Variants in FRMD6 observed in about 807,000 individuals in gnomAD.
FRMD6 encodes FERM domain-containing protein 6.
FRMD6 carries 37 observed loss-of-function variants against 73.2 expected under a neutral mutation model. The ratio of observed to expected loss-of-function variants is 0.51; its 90% CI spans 0.39 to 0.66. FRMD6 has a LOEUF of 0.66. Ranked by LOEUF, FRMD6 falls within the 30% of genes least tolerant of loss-of-function variation. The probability of loss-of-function intolerance (pLI) is 0.00; values close to 1 mark genes in which losing one functional copy is unlikely to be tolerated. For missense variants in FRMD6, 714 were observed against 780.5 expected (o/e 0.91, Z 1.02); for synonymous variants, 273 against 282.2 (o/e 0.97, Z 0.33).
At position 51,698,251 on chromosome 14, in the gene FRMD6, T is replaced by G. The variant is rs1357674584; in HGVS notation, c.190+19T>G. 2.6e-6 allele frequency: 4 copies of G among 1,554,052 alleles called. 1 individual carries two copies. The South Asian group carries it at 4.5e-5, about 18-fold the overall frequency. On this transcript the variant is annotated intron_variant, in intron 3 of 13. Coordinates refer to ENST00000344768, the MANE Select transcript of FRMD6 (RefSeq NM_001267046.2). ...ATACAAAGTAAGTCTTAGAGCCCTCTCTGATGGATTTAGCCAACTATCCCT... is the reference window on the plus strand; with the variant it reads ...ATACAAAGTAAGTCTTAGAGCCCTCGCTGATGGATTTAGCCAACTATCCCT...
chr14:51,618,201 A>T (rs142400044), intron 2 of FRMD6, among the ~76,000 whole-genome samples: 22 of 152,264 alleles, frequency 1.4e-4, no homozygotes, highest in Middle Eastern at 3.4e-3. Flanking sequence ...TTTTTAGAAG[A>T]CTGACATTTT....
the FRMD6 span, among the ~76,000 whole-genome samples, chr14:51,397,291 C>T: frequency 1.3e-5 from 2 of 152,304 alleles, no homozygotes; most frequent in Non-Finnish European, 1.5e-5. Flanking sequence ...GGAGGGAGTG[C>T]TCCTTCACAG....
At chr14:51,499,560 C>T (rs1883484676) in intron 1 of FRMD6, among the ~76,000 whole-genome samples, 1 of 152,214 alleles carries the variant, frequency 6.6e-6, no homozygotes, top group African/African-American at 2.4e-5. Flanking sequence ...GGTCACACAG[C>T]AAATAAGACG....
the FRMD6 span, among the ~76,000 whole-genome samples, chr14:51,439,681 C>T: frequency 3.3e-5 from 5 of 152,276 alleles, no homozygotes; most frequent in African/African-American, 1.2e-4. Context: ...TGCCTGCTGC[C>T]ACTCTGACTT....
At chr14:51,610,597 AT>A (rs1890453181) in intron 2 of FRMD6, among the ~76,000 whole-genome samples, 1 of 152,212 alleles carries the variant, frequency 6.6e-6, no homozygotes, top group East Asian at 1.9e-4. Flanking sequence ...AATTTTAAAA[AT>A]CACTTTTTAT....
At chr14:51,573,706 A>G (rs889495612) in intron 2 of FRMD6, among the ~76,000 whole-genome samples, 1 of 152,140 alleles carries the variant, frequency 6.6e-6, no homozygotes, top group Non-Finnish European at 1.5e-5. Context: ...CGTGTCTCAA[A>G]TCTCTATGTC....
the FRMD6 span, among the ~76,000 whole-genome samples, chr14:51,463,243 C>T: frequency 1.3e-5 from 2 of 152,112 alleles, no homozygotes; most frequent in Non-Finnish European, 2.9e-5. Context: ...TTTTCTGGCC[C>T]TAAAGGACAT....
chr14:51,498,505 C>T (rs1449123376), intron 1 of FRMD6, among the ~76,000 whole-genome samples: 3 of 152,172 alleles, frequency 2.0e-5, no homozygotes, highest in African/African-American at 7.2e-5. Context: ...CCATGGGTTG[C>T]CTGTCTAGCT....
At chr14:51,668,717 AG>A (rs2140221472) in intron 1 of FRMD6, among the ~76,000 whole-genome samples, 1 of 152,066 alleles carries the variant, frequency 6.6e-6, no homozygotes, top group Non-Finnish European at 1.5e-5. Flanking sequence ...CCCAGGCTAG[AG>A]TGCAGTGCCA....
At chr14:51,704,515 G>C (rs4556715) in intron 5 of FRMD6, 44 of 468,720 alleles carry the variant, frequency 9.4e-5, no homozygotes, top group African/African-American at 8.1e-4. Context: ...GTAAGCCTTA[G>C]GAAACGTTAT....
chr14:51,605,998 A>G (rs1890242248), intron 2 of FRMD6, among the ~76,000 whole-genome samples: 2 of 152,192 alleles, frequency 1.3e-5, no homozygotes, highest in African/African-American at 2.4e-5. Context: ...TTGAAAATTG[A>G]TAATGCAGCC....
intron 1 of FRMD6, among the ~76,000 whole-genome samples, chr14:51,527,240 T>C (rs1885308190): frequency 6.6e-6 from 1 of 152,264 alleles, no homozygotes; most frequent in Admixed American, 6.5e-5. Context: ...GCATTAGTCA[T>C]CACAGCAGAG....
At chr14:51,430,092 A>G in the FRMD6 span, among the ~76,000 whole-genome samples, 1 of 152,254 alleles carries the variant, frequency 6.6e-6, no homozygotes, top group Non-Finnish European at 1.5e-5. Context: ...CATAAGATTC[A>G]GTAGAGGCTT....
chr14:51,607,125 A>C (rs1890292640), intron 2 of FRMD6, among the ~76,000 whole-genome samples: 1 of 152,070 alleles, frequency 6.6e-6, no homozygotes, highest in South Asian at 2.1e-4. Flanking sequence ...AAACACCCTC[A>C]CAGACACAGC....
chr14:51,605,004 G>A (rs1233077341), intron 2 of FRMD6, among the ~76,000 whole-genome samples: 1 of 152,112 alleles, frequency 6.6e-6, no homozygotes, highest in African/African-American at 2.4e-5. Flanking sequence ...TACATGAGGG[G>A]TAAAACAAAC....
chr14:51,497,929 C>G (rs1883398322), intron 1 of FRMD6, among the ~76,000 whole-genome samples: 1 of 152,094 alleles, frequency 6.6e-6, no homozygotes, highest in Non-Finnish European at 1.5e-5. Context: ...CCTTTAGAGG[C>G]CTTAATACAG....
chr14:51,458,294 T>G, the FRMD6 span, among the ~76,000 whole-genome samples: 1 of 152,196 alleles, frequency 6.6e-6, no homozygotes, highest in Non-Finnish European at 1.5e-5. Context: ...CTCTTATCAG[T>G]CCAAGGAAAT....
At chr14:51,549,252 G>T (rs902364940) in intron 1 of FRMD6, among the ~76,000 whole-genome samples, 2 of 152,110 alleles carry the variant, frequency 1.3e-5, no homozygotes, top group African/African-American at 4.8e-5. Flanking sequence ...GATGAAAAGC[G>T]TGGTAAACCC....
intron 1 of FRMD6, among the ~76,000 whole-genome samples, chr14:51,519,593 A>G (rs1884830037): frequency 1.3e-5 from 2 of 152,222 alleles, no homozygotes; most frequent in Admixed American, 6.5e-5. Flanking sequence ...TTTAACTTAG[A>G]GATTCCTATT....
Sources: allele counts gnomAD v4.1 joint callset (sites outside exome capture counted in the v4.1 genomes callset), GRCh38; gene constraint gnomAD v4.1.1; transcripts MANE v1.5; gene names NCBI Gene and HGNC (gene_info 2026-07-23, HGNC 2026-07-21).